The following MGAM variants were observed in gnomAD, a reference collection of about 807,000 sequenced individuals.
The protein encoded by MGAM is maltase-glucoamylase.
A neutral mutation model predicts 358.8 loss-of-function variants in MGAM; 253 were observed. That is an observed-to-expected ratio of 0.71 (90% confidence interval 0.64 to 0.78). The LOEUF (loss-of-function observed/expected upper bound fraction) is 0.78, where lower values mean the gene tolerates loss of function less well. MGAM is among the 30% of genes least tolerant of loss of function. MGAM has a pLI of 0.00. For missense variants in MGAM, 3,080 were observed against 3,432.6 expected (o/e 0.90, Z 2.57); for synonymous variants, 1,105 against 1,227.1 (o/e 0.90, Z 2.08).
rs1224466438 is a variant in MGAM at position 142,078,335 on chromosome 7, C to T, written c.5511C>T (p.Asp1837=). 4.0e-6 allele frequency: 6 copies of T among 1,486,520 alleles called. No individual in the cohort carries two copies. The highest frequency in any genetic ancestry group is 2.5e-5 in the South Asian group (2 of 80,378). 92.1% of individuals were successfully genotyped at this position (1,486,520 alleles called of 1,614,324 possible). ...DSNLKVAIIT[D]INLFLGEAYT... Reference sequence around the variant, plus strand: ...TCCTACAGGTCGCCATTATCACAGACATCAATCTTTTCCTGGGAGAAGCAT... The same window carrying T: ...TCCTACAGGTCGCCATTATCACAGATATCAATCTTTTCCTGGGAGAAGCAT... Residue 1837 remains aspartate, a synonymous_variant, in exon 48 of 71, where the codon GAC becomes GAT. Transcript: ENST00000475668.
rs1254238824 is a variant in MGAM at position 142,105,712 on chromosome 7, A to G, written c.8185-102A>G. On this transcript the variant is annotated intron_variant, in intron 70 of 70. Transcript: ENST00000475668. ...TTTTAACTAGACAATACAATGTAGA[A>G]GTATTAGGGGGTTATTTGGACTGGA... The G allele has an allele frequency of 6.2e-6, 5 of 811,814 alleles. No individual in the cohort carries two copies. The African/African-American group carries it at 8.5e-5, about 14-fold the overall frequency. 50.3% of individuals were successfully genotyped at this position (811,814 alleles called of 1,614,324 possible). A position where few individuals can be genotyped will look rare whatever the true frequency, so the allele number is the denominator to read the frequency against.
At chr7:142,026,757 G>A (rs912154877) in intron 8 of MGAM, among the ~76,000 whole-genome samples, 2 of 152,070 alleles carry the variant, frequency 1.3e-5, no homozygotes, top group African/African-American at 4.8e-5. Context: ...AGCACATCAG[G>A]GATTTCAGTA....
chr7:142,002,104 G>A (rs1804779869), intron 1 of MGAM, among the ~76,000 whole-genome samples: 1 of 152,146 alleles, frequency 6.6e-6, no homozygotes, highest in African/African-American at 2.4e-5. Flanking sequence ...AGAACTTGGG[G>A]ATAGAATAAA....
intron 21 of MGAM, among the ~76,000 whole-genome samples, chr7:142,047,498 G>A (rs1442638331): frequency 1.3e-5 from 2 of 152,164 alleles, no homozygotes; most frequent in Non-Finnish European, 2.9e-5. Context: ...ATTCTAAGTA[G>A]TAGTTGCAGA....
At chr7:142,050,605 G>T (rs1810850917) in intron 23 of MGAM, 92 bp from the exon 24 acceptor site, 49 of 1,293,824 alleles carry the variant, frequency 3.8e-5, no homozygotes, top group Non-Finnish European at 5.2e-5. Flanking sequence ...GGCAGTGGGG[G>T]GTATCCGGTC....
At chr7:142,088,845 C>T (rs1376472839) in intron 57 of MGAM, among the ~76,000 whole-genome samples, 1 of 141,360 alleles carries the variant, frequency 7.1e-6, no homozygotes, top group African/African-American at 2.5e-5. Flanking sequence ...ATCTATCTAT[C>T]TATCTATCTA....
At position 142,081,771 on chromosome 7, in the gene MGAM, T is replaced by G. The variant is rs111828248; in HGVS notation, c.6003-271T>G. On this transcript the variant is annotated intron_variant, in intron 50 of 70. Coordinates refer to ENST00000475668, the MANE Select transcript of MGAM (RefSeq NM_001365693.1). ...TGGAAGGCAGTGCTGGTGTGGAGTG[T>G]TCCCAGCTGTGATGGTGAGGGGAGC... 2.8e-4 allele frequency among the ~76,000 whole-genome samples: 41 copies of G among 145,800 alleles called. 1 individual carries two copies. Among genetic ancestry groups the G allele is most frequent in the African/African-American group, 9.7e-4 (40 of 41,130 alleles).
rs572826456 is a variant in MGAM, at chr7:142,056,424, G to A, written c.3580+328G>A. 4.6e-5 allele frequency among the ~76,000 whole-genome samples: 7 copies of A among 152,174 alleles called. No individual in the cohort carries two copies. In the South Asian group the frequency reaches 1.5e-3, roughly 32 times the overall value. ...ACTATGGGTCAGAGAAGTTAGTCTGGGGGTATTGAGGGTGTATGGTATGTT... is the reference window on the plus strand; with the variant it reads ...ACTATGGGTCAGAGAAGTTAGTCTGAGGGTATTGAGGGTGTATGGTATGTT... On this transcript the variant is annotated intron_variant, in intron 29 of 70. Coordinates refer to ENST00000475668, the MANE Select transcript of MGAM (RefSeq NM_001365693.1).
chr7:142,038,634 A>G lies in MGAM; in HGVS notation c.2316+19A>G. 6.3e-7 allele frequency: 1 copy of G among 1,576,238 alleles called. No individual in the cohort carries two copies. The highest frequency in any genetic ancestry group is 8.7e-7 in the Non-Finnish European group (1 of 1,154,698). On this transcript the variant is annotated intron_variant, in intron 19 of 70. Coordinates refer to ENST00000475668, the MANE Select transcript of MGAM (RefSeq NM_001365693.1). ...GGATGAAGTAAGTGTTCCCACAGAG[A>G]TACACTAGAGATCTCTGCATCTGTA...
chr7:142,020,709 C>T (rs1806371821), intron 4 of MGAM, among the ~76,000 whole-genome samples: 1 of 150,776 alleles, frequency 6.6e-6, no homozygotes, highest in Non-Finnish European at 1.5e-5. Context: ...AAGCAATTCT[C>T]CTGCCTACAA....
At position 142,019,349 on chromosome 7, in the gene MGAM, GTCCAGA is replaced by G. The variant is rs781875088; in HGVS notation, c.448+31_448+36del. 3 of 1,606,638 alleles carry G rather than the reference GTCCAGA, an allele frequency of 1.9e-6. No homozygotes were observed. The South Asian group carries it at 3.3e-5, about 18-fold the overall frequency. ...GCCAGAGTCTGCCATGATGCAGGAG[GTCCAGA>G]CCCTCTGGAGGTTGACTCTGTATCC... On this transcript the variant is annotated intron_variant, in intron 4 of 70. Transcript: ENST00000475668.
Position 142,052,297 on chromosome 7 carries a change from G to C in MGAM, c.2809G>C (p.Ala937Pro). The C allele has an allele frequency of 6.2e-7, 1 of 1,602,722 alleles. No homozygotes were observed. Among genetic ancestry groups the C allele is most frequent in the Non-Finnish European group, 8.5e-7 (1 of 1,173,974 alleles). Residue 937 changes from alanine to proline, a missense_variant, in exon 25 of 71, where the codon GCC becomes CCC. Ala to Pro is a conservative substitution (Grantham distance 27). Transcript: ENST00000475668. ...TATGATTTCCACATTCCTACAGGTT[G>C]CCATTATCACAGATATTGATCTTCT... Reference protein sequence around the residue: ...TVTYDSNLKVAIITDIDLLLG... With the variant: ...TVTYDSNLKVPIITDIDLLLG...
At chr7:142,089,383 A>G (rs750333507) in intron 57 of MGAM, among the ~76,000 whole-genome samples, 1 of 146,806 alleles carries the variant, frequency 6.8e-6, no homozygotes, top group Non-Finnish European at 1.5e-5. Flanking sequence ...CGCCAGTTAT[A>G]CCCCTGATGA....
At chr7:142,000,040 T>A (rs1315501) in intron 1 of MGAM, among the ~76,000 whole-genome samples, 89,026 of 152,056 alleles carry the variant, frequency 0.59, 27,065 homozygotes, top group East Asian at 0.78. Context: ...TTTTTAAAAA[T>A]ATGCTAATGA....
At chr7:142,040,532 T>A in intron 20 of MGAM, 190 bp from the exon 21 acceptor site, 1 of 716,044 alleles carries the variant, frequency 1.4e-6, no homozygotes, top group Non-Finnish European at 2.2e-6. Context: ...ATAAATTTTT[T>A]CACAAACCCC....
intron 44 of MGAM, among the ~76,000 whole-genome samples, chr7:142,072,258 AC>A (rs1343940442): frequency 2.1e-5 from 3 of 146,200 alleles, no homozygotes; most frequent in Non-Finnish European, 4.6e-5. Flanking sequence ...GTACATACAG[AC>A]CAGGTATGCC....
In MGAM at chr7:142,096,432, C is replaced by T. The variant is rs749896836; in HGVS notation, c.7692+17C>T. 14 of 1,613,222 alleles carry T rather than the reference C, an allele frequency of 8.7e-6. No homozygotes were observed. In the Admixed American group the frequency reaches 1.7e-4, roughly 19 times the overall value. ...CTGGAGCGTGTGAGTATGGAGGCCT[C>T]CGATGAGGGGAGGATCCCAGCTGTG... On this transcript the variant is annotated intron_variant, in intron 65 of 70. Coordinates refer to ENST00000475668, the MANE Select transcript of MGAM (RefSeq NM_001365693.1).
At chr7:142,078,547 CTT>C in intron 48 of MGAM, 77 bp downstream of exon 48, 1 of 1,316,722 alleles carries the variant, frequency 7.6e-7, no homozygotes, top group South Asian at 1.5e-5. Context: ...AGCAGTGGCA[CTT>C]ATATAACTAC....
intron 1 of MGAM, among the ~76,000 whole-genome samples, chr7:141,998,450 C>T (rs887851743): frequency 2.6e-5 from 4 of 152,170 alleles, no homozygotes; most frequent in Non-Finnish European, 4.4e-5. Context: ...TGTTCCCCTC[C>T]CCATGTCCAT....
Sources: gnomAD v4.1 joint callset for allele counts (sites outside exome capture counted in the v4.1 genomes callset) on GRCh38, gnomAD v4.1.1 for gene constraint, MANE v1.5 for transcripts, NCBI Gene and HGNC (gene_info 2026-07-23, HGNC 2026-07-21) for gene names.